Variants in CTNNA2 observed in about 807,000 individuals in gnomAD.
CTNNA2 encodes the protein catenin alpha 2, also known as catenin alpha-2.
A neutral mutation model predicts 101.0 loss-of-function variants in CTNNA2; 42 were observed. The observed-to-expected ratio is 0.42, with a 90% CI of 0.32 to 0.54. The LOEUF (loss-of-function observed/expected upper bound fraction) is 0.54, where lower values mean the gene tolerates loss of function less well. CTNNA2 is among the 20% of genes least tolerant of loss of function. The pLI is 0.14. For synonymous variants in CTNNA2, 450 were observed against 456.4 expected (o/e 0.99, Z 0.18); for missense variants, 871 against 1,223.1 (o/e 0.71, Z 4.29).
chr2:80,127,673 C>T (rs1397875572), intron 7 of CTNNA2, among the ~76,000 whole-genome samples: 1 of 152,116 alleles, frequency 6.6e-6, no homozygotes, highest in African/African-American at 2.4e-5. Context: ...TGCAAATTAG[C>T]AGTTAGGATG....
At chr2:80,276,406 T>C (rs1673905116) in intron 7 of CTNNA2, among the ~76,000 whole-genome samples, 1 of 152,186 alleles carries the variant, frequency 6.6e-6, no homozygotes, top group Non-Finnish European at 1.5e-5. Context: ...GTATGGACTG[T>C]AACCCAGTTC....
intron 4 of CTNNA2, among the ~76,000 whole-genome samples, chr2:79,862,856 T>C (rs1253684881): frequency 6.6e-6 from 1 of 152,204 alleles, no homozygotes. Flanking sequence ...CTTTCATAAA[T>C]AACAGAAAAC....
At chr2:80,363,579 G>T (rs1056309045) in intron 7 of CTNNA2, among the ~76,000 whole-genome samples, 1 of 151,974 alleles carries the variant, frequency 6.6e-6, no homozygotes, top group African/African-American at 2.4e-5. Context: ...ACAAGATGTC[G>T]AATCAAAGCT....
At chr2:79,904,991 G>A (rs995914813) in intron 6 of CTNNA2, among the ~76,000 whole-genome samples, 29 of 152,116 alleles carry the variant, frequency 1.9e-4, no homozygotes, top group Admixed American at 9.8e-4. Flanking sequence ...CCACATGAGA[G>A]CAAATGGGAG....
intron 2 of CTNNA2, among the ~76,000 whole-genome samples, chr2:79,681,392 C>A (rs1163307255): frequency 6.6e-6 from 1 of 152,204 alleles, no homozygotes; most frequent in Non-Finnish European, 1.5e-5. Flanking sequence ...TTTGGCCTCA[C>A]ACTGACCTGT....
intron 1 of CTNNA2, among the ~76,000 whole-genome samples, chr2:79,604,301 C>G (rs947129540): frequency 1.3e-5 from 2 of 152,142 alleles, no homozygotes; most frequent in African/African-American, 4.8e-5. Context: ...AGATTTAACC[C>G]TGTCTGAAAA....
chr2:80,366,513 C>A (rs1216225028), intron 7 of CTNNA2, among the ~76,000 whole-genome samples: 2 of 152,088 alleles, frequency 1.3e-5, no homozygotes, highest in African/African-American at 4.8e-5. Flanking sequence ...GCCTGGTGTC[C>A]TACAGATCAT....
rs201730840 is a variant in CTNNA2 at position 80,152,255 on chromosome 2, T to C, written c.1057-240956T>C. ...TGGAGACCCAGAACCTCTAAGTGGA[T>C]GGAATAGGGCAGGTGGTATAGGCTT... On this transcript the variant is annotated intron_variant, in intron 7 of 18. Coordinates refer to ENST00000402739, the MANE Select transcript of CTNNA2 (RefSeq NM_001282597.3). 4.5e-4 allele frequency among the ~76,000 whole-genome samples: 68 copies of C among 152,100 alleles called. No homozygotes were observed. The East Asian group carries it at 0.013, about 29-fold the overall frequency.
At chr2:79,509,253 T>C (rs529285567), upstream of CTNNA2, among the ~76,000 whole-genome samples, 17 of 152,040 alleles carry the variant, frequency 1.1e-4, no homozygotes, top group South Asian at 4.2e-4. Context: ...AGGGGTTCAA[T>C]TGATACATAA....
intron 9 of CTNNA2, among the ~76,000 whole-genome samples, chr2:80,446,136 A>G (rs1434405108): frequency 6.6e-6 from 1 of 152,206 alleles, no homozygotes; most frequent in East Asian, 1.9e-4. Context: ...CAGCCTTGTA[A>G]GGGCATTCTT....
chr2:79,495,103 G>GAAACA (rs892637238), intron 4 of CTNNA2, among the ~76,000 whole-genome samples: 2 of 151,792 alleles, frequency 1.3e-5, no homozygotes, highest in African/African-American at 2.4e-5. Context: ...ACTCCGTCTC[G>GAAACA]AAACAAAACA....
intron 6 of CTNNA2, among the ~76,000 whole-genome samples, chr2:79,909,180 C>A (rs1464925870): frequency 6.6e-6 from 1 of 152,306 alleles, no homozygotes; most frequent in South Asian, 2.1e-4. Context: ...TGTGTGTATA[C>A]AAGCCACAGC....
chr2:80,010,732 A>T (rs963353814), intron 7 of CTNNA2, among the ~76,000 whole-genome samples: 2 of 151,992 alleles, frequency 1.3e-5, no homozygotes, highest in African/African-American at 4.8e-5. Flanking sequence ...TTTTTTCCAC[A>T]ATCACTTTTG....
At chr2:79,853,679 T>C (rs1680903971) in intron 3 of CTNNA2, among the ~76,000 whole-genome samples, 1 of 151,440 alleles carries the variant, frequency 6.6e-6, no homozygotes, top group Non-Finnish European at 1.5e-5. Flanking sequence ...TCTTTTTTTT[T>C]TTTTTTGAGA....
chr2:79,865,338 A>T (rs1184648030), intron 4 of CTNNA2, among the ~76,000 whole-genome samples: 1 of 152,222 alleles, frequency 6.6e-6, no homozygotes, highest in Non-Finnish European at 1.5e-5. Flanking sequence ...ACATGCATTC[A>T]TTCTTTCATG....
At chr2:79,190,278 T>C (rs1185769267) in intron 1 of CTNNA2, among the ~76,000 whole-genome samples, 2 of 152,000 alleles carry the variant, frequency 1.3e-5, no homozygotes, top group Non-Finnish European at 2.9e-5. Flanking sequence ...AATTTAGGAG[T>C]TGGCAAATGC....
chr2:80,454,120 A>G (rs1683760156), intron 9 of CTNNA2, among the ~76,000 whole-genome samples: 1 of 152,212 alleles, frequency 6.6e-6, no homozygotes, highest in Non-Finnish European at 1.5e-5. Context: ...GTCTGAGAAC[A>G]AAGGCAAAGC....
intron 1 of CTNNA2, among the ~76,000 whole-genome samples, chr2:79,623,813 A>G (rs1679138269): frequency 6.6e-6 from 1 of 152,214 alleles, no homozygotes; most frequent in Non-Finnish European, 1.5e-5. Flanking sequence ...CAAAATACAT[A>G]AAATGGCTTG....
At chr2:80,055,371 C>T (rs185748646) in intron 7 of CTNNA2, among the ~76,000 whole-genome samples, 93 of 152,196 alleles carry the variant, frequency 6.1e-4, no homozygotes, top group African/African-American at 2.2e-3. Flanking sequence ...AATGACTTTG[C>T]TTGTGTTGGG....
Sources: allele counts gnomAD v4.1 joint callset (sites outside exome capture counted in the v4.1 genomes callset), GRCh38; gene constraint gnomAD v4.1.1; transcripts MANE v1.5; gene names NCBI Gene and HGNC (gene_info 2026-07-23, HGNC 2026-07-21).